Variants in ATAD2 observed in about 807,000 individuals in gnomAD.
ATAD2 encodes ATPase family AAA domain-containing protein 2.
In ATAD2, 62 loss-of-function variants were observed where a neutral mutation model predicts 168.9. The ratio of observed to expected loss-of-function variants is 0.37; its 90% CI spans 0.30 to 0.45. The LOEUF (loss-of-function observed/expected upper bound fraction) is 0.45. Among genes scored for constraint, ATAD2 ranks in the 20% least tolerant of loss-of-function variants. ATAD2 has a pLI of 1.00. For synonymous variants in ATAD2, 613 were observed against 571.6 expected (o/e 1.07, Z -1.03); for missense variants, 1,419 against 1,667.8 (o/e 0.85, Z 2.60).
intron 1 of ATAD2, among the ~76,000 whole-genome samples, chr8:123,413,152 AG>A (rs1813185964): frequency 6.6e-6 from 1 of 151,932 alleles, no homozygotes; most frequent in Non-Finnish European, 1.5e-5. Flanking sequence ...GCCAGCTAGC[AG>A]ACACGACTGG....
intron 1 of ATAD2, among the ~76,000 whole-genome samples, chr8:123,390,382 A>C (rs1321296021): frequency 6.6e-6 from 1 of 152,110 alleles, no homozygotes; most frequent in Non-Finnish European, 1.5e-5. Context: ...CTAGCTCTTC[A>C]CTGTCTCCCA....
At chr8:123,330,489 C>A (rs574052942) in intron 24 of ATAD2, among the ~76,000 whole-genome samples, 2 of 152,078 alleles carry the variant, frequency 1.3e-5, no homozygotes, top group African/African-American at 4.8e-5. Context: ...CTCAGCCTCC[C>A]GAGTAGCTGG....
In ATAD2 at chr8:123,415,713, G is replaced by C. The variant is rs548347658; in HGVS notation, c.-2282+535C>G. On this transcript the variant is annotated intron_variant, in intron 1 of 28. Transcript: ENST00000521903. Reference sequence around the variant, plus strand: ...GGGTTCAGGCGATTCTCTTGCCTCAGCCTCCCGAGTATCTGGGATTACAGG... The same window carrying C: ...GGGTTCAGGCGATTCTCTTGCCTCACCCTCCCGAGTATCTGGGATTACAGG... Among the ~76,000 whole-genome samples the C allele has an allele frequency of 1.4e-4, 22 of 152,216 alleles. No homozygotes were observed. In the South Asian group the frequency reaches 4.6e-3, roughly 32 times the overall value.
chr8:123,346,918 A>G (rs933542526), intron 16 of ATAD2, among the ~76,000 whole-genome samples, 168 bp from the exon 17 acceptor site: 4 of 152,236 alleles, frequency 2.6e-5, no homozygotes, highest in East Asian at 1.9e-4. Flanking sequence ...CAAACTTACA[A>G]TAAGTTAAAT....
upstream of ATAD2, chr8:123,400,974 C>A: frequency 7.0e-7 from 1 of 1,435,288 alleles, no homozygotes; most frequent in Non-Finnish European, 9.7e-7. This position sits in a 1 kb window ranked among gnomAD's most constrained non-coding sequence, Gnocchi z 4.5. Flanking sequence ...TGCTGGAGGC[C>A]ACGATGCGGC....
chr8:123,414,326 C>A (rs1813207910), intron 1 of ATAD2, among the ~76,000 whole-genome samples: 1 of 152,056 alleles, frequency 6.6e-6, no homozygotes, highest in African/African-American at 2.4e-5. Context: ...AGTGAAGTAA[C>A]TTTGCCCAAG....
At position 123,346,130 on chromosome 8, in the gene ATAD2, G is replaced by A; in HGVS notation, c.2488C>T (p.Leu830Phe). Reference sequence around the variant, plus strand: ...GGGGATGTAGTACTAACTCCAAAAAGAACAGGAATGTCTAATGTATATACA... The same window carrying A: ...GGGGATGTAGTACTAACTCCAAAAAAAACAGGAATGTCTAATGTATATACA... Reference protein sequence around the residue: ...FTVYTLDIPVLFGVSTTSPEE... With the variant: ...FTVYTLDIPVFFGVSTTSPEE... Residue 830 changes from leucine (L) to phenylalanine (F), a missense_variant, in exon 18 of 28, where the codon CTT (leucine) becomes TTT (phenylalanine). Coordinates refer to ENST00000287394, the MANE Select transcript of ATAD2 (RefSeq NM_014109.4). The A allele has an allele frequency of 6.3e-7, 1 of 1,598,670 alleles. No individual in the cohort carries two copies. The highest frequency in any genetic ancestry group is 1.1e-5 in the South Asian group (1 of 88,146).
chr8:123,346,159 A>C lies in ATAD2; in HGVS notation c.2459T>G (p.Phe820Cys). ...APAVIHALEK[F>C]TVYTLDIPVL... is the part of the protein sequence containing the mutation. ...AGGAATGTCTAATGTATATACAGTA[A>C]ACTTTTCCAAAGCATGAATGACAGC... is the stretch of plus-strand genomic sequence containing the variant. Residue 820 changes from phenylalanine (F) to cysteine (C), a missense_variant, in exon 18 of 28, where the codon TTT becomes TGT. Phe to Cys is a radical substitution (Grantham distance 205). Transcript: ENST00000287394. 6.2e-7 allele frequency: 1 copy of C among 1,613,368 alleles called. No individual in the cohort carries two copies. The highest frequency in any genetic ancestry group is 1.3e-5 in the African/African-American group (1 of 75,000).
upstream of ATAD2, among the ~76,000 whole-genome samples, chr8:123,396,787 T>TG (rs1443223582): frequency 6.6e-6 from 1 of 152,074 alleles, no homozygotes; most frequent in Non-Finnish European, 1.5e-5. Context: ...GATTGGCTGG[T>TG]GGGGTCCGGC....
At chr8:123,389,133 A>T (rs1193424288) in intron 1 of ATAD2, among the ~76,000 whole-genome samples, 3 of 129,564 alleles carry the variant, frequency 2.3e-5, no homozygotes, top group East Asian at 2.4e-4. Context: ...CGCCCGGCTA[A>T]TTTTTTTTTT....
intron 20 of ATAD2, 111 bp from the exon 21 acceptor site, chr8:123,337,932 A>G (rs1827962501): frequency 2.0e-6 from 2 of 989,910 alleles, no homozygotes; most frequent in South Asian, 1.9e-5. Context: ...TCATATATGC[A>G]AGGAATCCAA....
At chr8:123,412,051 C>G (rs897989428) in intron 1 of ATAD2, among the ~76,000 whole-genome samples, 6 of 152,204 alleles carry the variant, frequency 3.9e-5, no homozygotes, top group African/African-American at 1.4e-4. Flanking sequence ...GTCCTTGAAC[C>G]TCCCACTACT....
chr8:123,321,769 T>C (rs1203887661), intron 27 of ATAD2, among the ~76,000 whole-genome samples: 1 of 151,924 alleles, frequency 6.6e-6, no homozygotes, highest in Admixed American at 6.6e-5. Flanking sequence ...CCTCCATCTC[T>C]ACAAAAAATT....
At chr8:123,376,421 G>C (rs1367883461) in intron 2 of ATAD2, among the ~76,000 whole-genome samples, 1 of 151,172 alleles carries the variant, frequency 6.6e-6, no homozygotes, top group East Asian at 2.0e-4. Flanking sequence ...AAAAAGCTGG[G>C]CATGGTGGCA....
chr8:123,371,623 A>T (rs1264501870), intron 4 of ATAD2, 47 bp downstream of exon 4: 1 of 1,515,702 alleles, frequency 6.6e-7, no homozygotes, highest in East Asian at 2.3e-5. Flanking sequence ...CCCCAACAAA[A>T]AGTCTCTGAC....
intron 11 of ATAD2, among the ~76,000 whole-genome samples, chr8:123,358,488 G>A (rs1229484183): frequency 2.0e-5 from 3 of 151,908 alleles, no homozygotes; most frequent in Non-Finnish European, 4.4e-5. Context: ...GGGACAACAG[G>A]TGCCCGCCAC....
chr8:123,329,763 A>C (rs1827723617), intron 24 of ATAD2, among the ~76,000 whole-genome samples: 1 of 147,782 alleles, frequency 6.8e-6, no homozygotes, highest in Non-Finnish European at 1.5e-5. Context: ...AAAAAAAAAA[A>C]AAAAAAAAAA....
At chr8:123,401,111 T>C, upstream of ATAD2, 1 of 1,437,566 alleles carries the variant, frequency 7.0e-7, no homozygotes, top group Admixed American at 1.7e-5. Flanking sequence ...AGTGAGGTGA[T>C]GATGCCAAGG....
rs1380188266 is a variant in ATAD2 at position 123,370,044 on chromosome 8, A to G, written c.728-20T>C. On this transcript the variant is annotated intron_variant, in intron 6 of 27. Transcript: ENST00000287394. ...ATGACTCTACAATTAAGAGATCCTT[A>G]CTTCCAGAAAGATACTCAGCAAAAT... 6.3e-7 allele frequency: 1 copy of G among 1,594,156 alleles called. No homozygotes were observed.
Sources: allele counts gnomAD v4.1 joint callset (sites outside exome capture counted in the v4.1 genomes callset), GRCh38; gene constraint gnomAD v4.1.1; non-coding constraint Gnocchi (gnomAD v3.1); transcripts MANE v1.5; gene names NCBI Gene and HGNC (gene_info 2026-07-23, HGNC 2026-07-21).